MTR: variants seen among roughly 807,000 people sequenced by gnomAD.
MTR encodes the protein 5-methyltetrahydrofolate-homocysteine methyltransferase.
MTR carries 84 observed loss-of-function variants against 154.8 expected under a neutral mutation model. The observed-to-expected ratio is 0.54, with a 90% CI of 0.45 to 0.65. MTR has a LOEUF of 0.65. Among genes scored for constraint, MTR ranks in the 30% least tolerant of loss-of-function variants. The pLI, the probability that MTR is intolerant of heterozygous loss-of-function variation, is 0.00. For synonymous variants in MTR, 554 were observed against 553.9 expected (o/e 1.00, Z 0.00); for missense variants, 1,275 against 1,570.2 (o/e 0.81, Z 3.18).
intron 19 of MTR, among the ~76,000 whole-genome samples, chr1:236,860,625 A>G (rs1664481272): frequency 6.6e-6 from 1 of 152,012 alleles, no homozygotes. Context: ...CCCCAGCCCT[A>G]CAGCATTACA....
rs1245048586 is a variant in MTR at position 236,901,182 on chromosome 1, G to C, written c.*3538G>C. 2.0e-5 allele frequency: 3 copies of C among 152,672 alleles called. No individual in the cohort carries two copies. The highest frequency in any genetic ancestry group is 4.4e-5 in the Non-Finnish European group (3 of 68,092). 9.5% of individuals were successfully genotyped at this position (152,672 alleles called of 1,614,324 possible). A position where few individuals can be genotyped will look rare whatever the true frequency, so the allele number is the denominator to read the frequency against. On this transcript the variant is annotated 3_prime_UTR_variant, in exon 33 of 33. Transcript: ENST00000366577. The stretch of plus-strand genomic sequence containing the variant: ...AAGCATGCCAGCAGAACCCAATGCT[G>C]CAAAGAGGCCTGGGAATGGGATTGC...
intron 7 of MTR, among the ~76,000 whole-genome samples, chr1:236,815,939 C>T (rs1420276204): frequency 2.6e-5 from 4 of 152,150 alleles, no homozygotes; most frequent in Non-Finnish European, 5.9e-5. Context: ...CTTCAAGGCT[C>T]AGTCTCATTA....
intron 15 of MTR, among the ~76,000 whole-genome samples, chr1:236,849,539 G>A (rs1663778747): frequency 1.3e-5 from 2 of 152,110 alleles, no homozygotes; most frequent in Admixed American, 1.3e-4. Flanking sequence ...TCTGGTAGTG[G>A]CAGCAATAAA....
rs757720946 is a variant in MTR at position 236,803,520 on chromosome 1, C to T, written c.127C>T (p.Arg43Trp). Residue 43 changes from arginine (R) to tryptophan (W), a missense_variant, in exon 2 of 33, where the codon CGG becomes TGG. By Grantham distance (101) the Arg-to-Trp change is moderately radical. Coordinates refer to ENST00000366577, the MANE Select transcript of MTR (RefSeq NM_000254.3). ...LDGGMGTMIQ[R>W]EKLNEEHFRG... ...TGGAGGGATGGGGACCATGATCCAG[C>T]GGGAGAAGCTAAACGAAGAACACTT... 21 of 1,614,050 alleles carry T rather than the reference C, an allele frequency of 1.3e-5. No homozygotes were observed. The highest frequency in any genetic ancestry group is 3.3e-4 in the Middle Eastern group (2 of 6,058).
At chr1:236,820,302 C>A in intron 8 of MTR, 3 of 752,914 alleles carry the variant, frequency 4.0e-6, no homozygotes, top group Non-Finnish European at 4.9e-6. Context: ...AGACTGTGAC[C>A]AAGGAGGAGT....
chr1:236,803,389 C>G, intron 1 of MTR, 39 bp from the exon 2 acceptor site: 1 of 1,589,644 alleles, frequency 6.3e-7, no homozygotes, highest in Non-Finnish European at 8.6e-7. Flanking sequence ...TCTTTTTCAC[C>G]TTTCATTCTT....
chr1:236,816,261 C>G (rs1348433129), intron 7 of MTR, among the ~76,000 whole-genome samples, 188 bp from the exon 8 acceptor site: 2 of 152,188 alleles, frequency 1.3e-5, no homozygotes, highest in Admixed American at 6.5e-5. Context: ...CTTCCTGCCT[C>G]TTTCCCTAGT....
intron 24 of MTR, among the ~76,000 whole-genome samples, chr1:236,875,119 G>A (rs1229102058): frequency 2.6e-5 from 4 of 152,146 alleles, no homozygotes; most frequent in Non-Finnish European, 4.4e-5. Context: ...TCTCACTTGC[G>A]ATTCAGTTCC....
chr1:236,881,290 C>G (rs1665719927), intron 25 of MTR, among the ~76,000 whole-genome samples: 1 of 152,202 alleles, frequency 6.6e-6, no homozygotes. Context: ...GTGGTTTCTG[C>G]TTCTCTGTGA....
At chr1:236,822,671 T>C (rs1320331261) in intron 8 of MTR, among the ~76,000 whole-genome samples, 1 of 152,232 alleles carries the variant, frequency 6.6e-6, no homozygotes, top group African/African-American at 2.4e-5. Context: ...AATTGAGTTT[T>C]GTATAGTTAC....
At chr1:236,828,822 G>A (rs533236045) in intron 11 of MTR, among the ~76,000 whole-genome samples, 1 of 152,122 alleles carries the variant, frequency 6.6e-6, no homozygotes, top group Admixed American at 6.5e-5. Flanking sequence ...CAAGGATTGT[G>A]TGTGTGTAGA....
At chr1:236,799,101 G>A (rs775736926) in intron 1 of MTR, among the ~76,000 whole-genome samples, 7 of 152,012 alleles carry the variant, frequency 4.6e-5, no homozygotes, top group Non-Finnish European at 7.4e-5. Context: ...AAATAAGCAA[G>A]TAGTTGAGGA....
intron 18 of MTR, among the ~76,000 whole-genome samples, chr1:236,857,185 A>G (rs1008552768): frequency 1.3e-5 from 2 of 152,156 alleles, no homozygotes; most frequent in Admixed American, 6.5e-5. Context: ...CATCCTCTCC[A>G]GCATCTGTTG....
At chr1:236,870,143 A>G (rs892969108) in intron 22 of MTR, among the ~76,000 whole-genome samples, 1 of 152,234 alleles carries the variant, frequency 6.6e-6, no homozygotes, top group Non-Finnish European at 1.5e-5. Flanking sequence ...TGTGCATCCC[A>G]GTACCATAAG....
In MTR at chr1:236,898,084, T is replaced by C; in HGVS notation, c.*440T>C. ...TGTGACAAAATGATACTGTGAGAAA[T>C]GGGGCATTTTAATCTAAGTGGTTAT... On this transcript the variant is annotated 3_prime_UTR_variant, in exon 33 of 33. Coordinates refer to ENST00000366577, the MANE Select transcript of MTR (RefSeq NM_000254.3). 2 of 207,268 alleles carry C rather than the reference T, an allele frequency of 9.6e-6. No homozygotes were observed. Among genetic ancestry groups the C allele is most frequent in the Non-Finnish European group, 1.9e-5 (2 of 103,164 alleles). The allele number at this position is 207,268 out of a possible 1,614,324, so 12.8% of individuals were successfully genotyped here.
At chr1:236,827,561 C>T (rs1662361347) in intron 11 of MTR, among the ~76,000 whole-genome samples, 2 of 152,154 alleles carry the variant, frequency 1.3e-5, no homozygotes, top group Admixed American at 1.3e-4. Context: ...AAGAGGACAG[C>T]TCATATTTAT....
At chr1:236,892,788 A>C (rs554944169) in intron 29 of MTR, among the ~76,000 whole-genome samples, 34 of 152,296 alleles carry the variant, frequency 2.2e-4, no homozygotes, top group Admixed American at 1.7e-3. Context: ...AACTGTTCAA[A>C]AACCTCTGCT....
At position 236,859,883 on chromosome 1, in the gene MTR, T is replaced by C. The variant is rs1664419920; in HGVS notation, c.2004T>C (p.Asn668=). 6.2e-7 allele frequency: 1 copy of C among 1,613,892 alleles called. No individual in the cohort carries two copies. Among genetic ancestry groups the C allele is most frequent in the African/African-American group, 1.3e-5 (1 of 74,894 alleles). ...KKVIQTDEWR[N]GPVEERLEYA... ...TCATTCAGACTGATGAGTGGAGAAA[T>C]GGCCCTGTCGAAGAACGCCTTGAGT... The change falls in exon 19 of 33, where the codon AAT becomes AAC. Residue 668 remains asparagine, a synonymous_variant. Coordinates refer to ENST00000366577, the MANE Select transcript of MTR (RefSeq NM_000254.3).
At chr1:236,804,912 A>T (rs559909126) in intron 2 of MTR, among the ~76,000 whole-genome samples, 12 of 144,626 alleles carry the variant, frequency 8.3e-5, no homozygotes, top group African/African-American at 3.0e-4. Flanking sequence ...GTATCATTCT[A>T]TTTTTTTTTT....
Sources: allele counts gnomAD v4.1 joint callset (sites outside exome capture counted in the v4.1 genomes callset), GRCh38; gene constraint gnomAD v4.1.1; transcripts MANE v1.5; gene names NCBI Gene and HGNC (gene_info 2026-07-23, HGNC 2026-07-21).